The following NAV2 variants were observed in gnomAD, a reference collection of about 807,000 sequenced individuals.
NAV2 encodes neuron navigator 2.
In NAV2, 54 loss-of-function variants were observed where a neutral mutation model predicts 223.2. That is an observed-to-expected ratio of 0.24 (90% confidence interval 0.19 to 0.30). The LOEUF (loss-of-function observed/expected upper bound fraction) is 0.30, where lower values mean the gene tolerates loss of function less well. NAV2 is among the 10% of genes least tolerant of loss of function. The probability of loss-of-function intolerance (pLI) is 1.00; values close to 1 mark genes in which losing one functional copy is unlikely to be tolerated. For missense variants in NAV2, 2,806 were observed against 3,147.5 expected (o/e 0.89, Z 2.60); for synonymous variants, 1,279 against 1,239.3 (o/e 1.03, Z -0.67).
At chr11:19,634,127 G>A (rs917578419) in intron 1 of NAV2, among the ~76,000 whole-genome samples, 4 of 152,162 alleles carry the variant, frequency 2.6e-5, no homozygotes, top group African/African-American at 9.7e-5. Context: ...ACTGACCACC[G>A]TGGAGCAGGT....
chr11:19,773,629 G>C (rs984181260), intron 1 of NAV2, among the ~76,000 whole-genome samples: 1 of 152,206 alleles, frequency 6.6e-6, no homozygotes, highest in African/African-American at 2.4e-5. Context: ...TAGGAGGAAG[G>C]AGAAAGGTGG....
chr11:19,953,483 C>G (rs747419134), intron 10 of NAV2, among the ~76,000 whole-genome samples: 1 of 152,188 alleles, frequency 6.6e-6, no homozygotes, highest in Admixed American at 6.5e-5. Flanking sequence ...GCAAAGCCCT[C>G]CCTCCTGGGA....
intron 1 of NAV2, among the ~76,000 whole-genome samples, chr11:19,693,195 C>A (rs145756729): frequency 6.2e-4 from 95 of 152,356 alleles, no homozygotes; most frequent in African/African-American, 2.2e-3. Context: ...GAGGTGGTGC[C>A]TCTGCGTGTG....
chr11:19,987,341 CT>C (rs1186755645), intron 11 of NAV2, among the ~76,000 whole-genome samples: 12 of 152,302 alleles, frequency 7.9e-5, no homozygotes, highest in Admixed American at 3.3e-4. Flanking sequence ...CCAGGAAGTT[CT>C]GTATAAAAAG....
At chr11:19,585,667 G>C (rs1210742019) in intron 1 of NAV2, among the ~76,000 whole-genome samples, 1 of 152,170 alleles carries the variant, frequency 6.6e-6, no homozygotes, top group Admixed American at 6.5e-5. Flanking sequence ...TGAAATTCTG[G>C]GTTGAAAATT....
At chr11:19,641,362 C>T (rs2047658843) in intron 1 of NAV2, among the ~76,000 whole-genome samples, 5 of 152,122 alleles carry the variant, frequency 3.3e-5, no homozygotes, top group Admixed American at 3.3e-4. Flanking sequence ...CCCTCCCCCT[C>T]CACTGCTACT....
At chr11:20,094,223 C>CTTTTTTTTTTTTTTTTTTTTTTT (rs61099684) in intron 29 of NAV2, among the ~76,000 whole-genome samples, 3 of 88,520 alleles carry the variant, frequency 3.4e-5, no homozygotes, top group Non-Finnish European at 4.1e-5. Context: ...TTTTCTTTAT[C>CTTTTTTTTTTTTTTTTTTTTTTT]TTTTTTTTTT....
chr11:19,578,557 T>C (rs1174158739), intron 1 of NAV2, among the ~76,000 whole-genome samples: 1 of 152,196 alleles, frequency 6.6e-6, no homozygotes, highest in East Asian at 1.9e-4. Flanking sequence ...GGTGACATTG[T>C]GACATTGTCC....
intron 1 of NAV2, among the ~76,000 whole-genome samples, chr11:19,701,447 G>A (rs552409866): frequency 1.1e-4 from 16 of 152,284 alleles, no homozygotes; most frequent in African/African-American, 3.4e-4. Context: ...ACCCTAACAA[G>A]CAAATGATTC....
chr11:19,849,923 A>G (rs1008517890), intron 3 of NAV2, among the ~76,000 whole-genome samples: 6 of 152,112 alleles, frequency 3.9e-5, no homozygotes, highest in Non-Finnish European at 7.4e-5. Context: ...CTCTTCAGTC[A>G]TGCCTGTTTA....
chr11:19,359,540 A>G (rs921631313), intron 1 of NAV2, among the ~76,000 whole-genome samples: 2 of 152,242 alleles, frequency 1.3e-5, no homozygotes, highest in Admixed American at 6.5e-5. Flanking sequence ...CAATGGGGCA[A>G]ATTGTGAGAG....
At chr11:19,610,115 G>A (rs1200855791) in intron 1 of NAV2, among the ~76,000 whole-genome samples, 4 of 152,204 alleles carry the variant, frequency 2.6e-5, no homozygotes, top group Admixed American at 6.5e-5. Context: ...CCATTTGACA[G>A]CAATCATATC....
chr11:19,363,205 C>T (rs1409700015), intron 1 of NAV2, among the ~76,000 whole-genome samples: 3 of 152,148 alleles, frequency 2.0e-5, no homozygotes, highest in African/African-American at 7.2e-5. Context: ...TTGTTCAACT[C>T]CCACTTGTGA....
At chr11:19,857,423 G>A (rs964131445) in intron 3 of NAV2, among the ~76,000 whole-genome samples, 1 of 152,204 alleles carries the variant, frequency 6.6e-6, no homozygotes, top group Non-Finnish European at 1.5e-5. Context: ...TTTACTTAAA[G>A]TCAACTCTTG....
intron 1 of NAV2, among the ~76,000 whole-genome samples, chr11:19,538,357 T>G (rs954117571): frequency 3.3e-5 from 5 of 152,184 alleles, no homozygotes; most frequent in African/African-American, 9.7e-5. Flanking sequence ...TTTTCTTTTT[T>G]TGAGACAGGG....
intron 1 of NAV2, among the ~76,000 whole-genome samples, chr11:19,565,923 C>T (rs796553049): frequency 1.3e-5 from 2 of 152,332 alleles, no homozygotes; most frequent in Admixed American, 6.5e-5. Flanking sequence ...TCGTGTTTCT[C>T]CTCTGGAGCT....
intron 1 of NAV2, among the ~76,000 whole-genome samples, chr11:19,676,455 C>A (rs559568741): frequency 6.7e-6 from 1 of 149,330 alleles, no homozygotes; most frequent in East Asian, 2.0e-4. Flanking sequence ...ATATTGAAGT[C>A]AGTGTTTCCC....
At chr11:19,988,063 C>T (rs2050959406) in intron 11 of NAV2, among the ~76,000 whole-genome samples, 1 of 152,186 alleles carries the variant, frequency 6.6e-6, no homozygotes, top group Non-Finnish European at 1.5e-5. Context: ...TCTCAGAACC[C>T]ATCAAAAGTT....
At chr11:19,403,667 T>G (rs1202142009) in intron 1 of NAV2, among the ~76,000 whole-genome samples, 1 of 152,178 alleles carries the variant, frequency 6.6e-6, no homozygotes, top group East Asian at 1.9e-4. Context: ...ACAGAGATAG[T>G]GCAGAGAACA....
Sources: gnomAD v4.1 joint callset for allele counts (sites outside exome capture counted in the v4.1 genomes callset) on GRCh38, gnomAD v4.1.1 for gene constraint, MANE v1.5 for transcripts, NCBI Gene and HGNC (gene_info 2026-07-23, HGNC 2026-07-21) for gene names.